SCN11A: variants seen among roughly 807,000 people sequenced by gnomAD.
The protein encoded by SCN11A is sodium channel protein type 11 subunit alpha.
A neutral mutation model predicts 162.2 loss-of-function variants in SCN11A; 122 were observed. The ratio of observed to expected loss-of-function variants is 0.75; its 90% confidence interval spans 0.65 to 0.87. The LOEUF is 0.87. Among genes scored for constraint, SCN11A ranks in the 40% least tolerant of loss-of-function variants. The pLI is 0.00. For synonymous variants in SCN11A, 758 were observed against 751.5 expected, an observed-to-expected ratio of 1.01 and a Z score of -0.14; for missense variants, 2,015 against 2,181.6, an observed-to-expected ratio of 0.92 and a Z score of 1.52.
At position 38,885,269 on chromosome 3, in the gene SCN11A, C is replaced by T; in HGVS notation, c.3064+19G>A. ...ATCCAAAGATTCTGTGAACTGGATGCAGAAATACTGCCACTTACCTTTGGG... is the reference window on the plus strand; with the variant it reads ...ATCCAAAGATTCTGTGAACTGGATGTAGAAATACTGCCACTTACCTTTGGG... On this transcript the variant is annotated intron_variant, in intron 21 of 29. Coordinates refer to ENST00000302328, the MANE Select transcript of SCN11A (RefSeq NM_001349253.2). 7.3e-7 allele frequency: 1 copy of T among 1,377,658 alleles called. No homozygotes were observed. Among genetic ancestry groups the T allele is most frequent in the Non-Finnish European group, 1.0e-6 (1 of 964,456 alleles). 85.3% of individuals were successfully genotyped at this position (1,377,658 alleles called of 1,614,324 possible).
rs80237055 is a variant in SCN11A at position 38,868,999 on chromosome 3, G to T, written c.3814-1541C>A. ...ATGGGGAGGATATGGCAGAGTACCA[G>T]TATTTAAGGCCAGGAGGAGATGACG... is the stretch of plus-strand genomic sequence containing the variant. On this transcript the variant is annotated intron_variant, in intron 26 of 29. Transcript: ENST00000302328. Among the ~76,000 whole-genome samples, 722 of 152,302 alleles carry T rather than the reference G, an allele frequency of 4.7e-3. 2 individuals are homozygous for T. The highest frequency in any genetic ancestry group is 6.8e-3 in the Middle Eastern group (2 of 294).
intron 2 of SCN11A, among the ~76,000 whole-genome samples, chr3:38,990,125 C>T (rs942206153): frequency 1.3e-5 from 2 of 152,188 alleles, no homozygotes; most frequent in Non-Finnish European, 2.9e-5. Context: ...GCCCTTAGGG[C>T]CCTGGTGCTG....
At chr3:39,033,157 A>AAAC (rs1553651782) in intron 1 of SCN11A, among the ~76,000 whole-genome samples, 1 of 149,574 alleles carries the variant, frequency 6.7e-6, no homozygotes, top group Non-Finnish European at 1.5e-5. Context: ...CATCTTGAAA[A>AAAC]AAAAAAAAAG....
In SCN11A at chr3:38,847,214, C is replaced by T; in HGVS notation, c.4856G>A (p.Gly1619Asp). Reference protein sequence around the residue: ...TATEESEDPLGEDDFDIFYEV... With the variant: ...TATEESEDPLDEDDFDIFYEV... ...ATAAAATATGTCAAAGTCATCTTCA[C>T]CCAAAGGGTCCTCACTTTCTTCAGT... Residue 1619 changes from glycine (G) to aspartate (D), a missense_variant, in exon 30 of 30, where the codon GGT becomes GAT. Coordinates refer to ENST00000302328, the MANE Select transcript of SCN11A (RefSeq NM_001349253.2). 6.2e-7 allele frequency: 1 copy of T among 1,614,042 alleles called. No homozygotes were observed. The highest frequency in any genetic ancestry group is 1.1e-5 in the South Asian group (1 of 91,056).
chr3:38,954,631 AAAACAAAC>A (rs534405343), intron 3 of SCN11A, among the ~76,000 whole-genome samples: 4 of 151,962 alleles, frequency 2.6e-5, no homozygotes, highest in Non-Finnish European at 5.9e-5. Flanking sequence ...AGATGATAAA[AAAACAAAC>A]AAACAAACAA....
chr3:38,968,201 TC>T (rs2066794712), intron 2 of SCN11A, among the ~76,000 whole-genome samples: 1 of 152,230 alleles, frequency 6.6e-6, no homozygotes, highest in African/African-American at 2.4e-5. Flanking sequence ...ACTGGTTTTC[TC>T]TGATCCTAGT....
intron 12 of SCN11A, among the ~76,000 whole-genome samples, chr3:38,909,486 G>A (rs1227341302): frequency 6.6e-6 from 1 of 152,144 alleles, no homozygotes; most frequent in East Asian, 1.9e-4. Flanking sequence ...GAGAGATAGG[G>A]CAGTAGGGAA....
intron 2 of SCN11A, among the ~76,000 whole-genome samples, chr3:39,001,852 G>C (rs2030823733): frequency 6.6e-6 from 1 of 152,200 alleles, no homozygotes; most frequent in Non-Finnish European, 1.5e-5. Context: ...GGCTAACACG[G>C]TGAAACCCCG....
intron 2 of SCN11A, among the ~76,000 whole-genome samples, chr3:38,997,328 C>T (rs1339416799): frequency 6.6e-6 from 1 of 152,212 alleles, no homozygotes; most frequent in Non-Finnish European, 1.5e-5. Flanking sequence ...AGGGTTCTGG[C>T]CCTGGCCATC....
intron 2 of SCN11A, among the ~76,000 whole-genome samples, chr3:39,010,062 G>C (rs2031082829): frequency 6.6e-6 from 1 of 151,940 alleles, no homozygotes; most frequent in Non-Finnish European, 1.5e-5. Context: ...TAGATAGTAG[G>C]GGCAAGTCTA....
rs1028257201 is a variant in SCN11A, at chr3:38,871,495, T to C, written c.3709A>G (p.Lys1237Glu). Residue 1237 changes from lysine to glutamate, a missense_variant, in exon 25 of 30, where the codon AAA becomes GAA. Transcript: ENST00000302328. Reference protein sequence around the residue: ...ESGNFSWINQKVNFDNVGNAY... With the variant: ...ESGNFSWINQEVNFDNVGNAY... ...TTTCCCACATTGTCAAAGTTGACTT[T>C]CTGGTTGATCCAAGAGAAATTGCCA... 4 of 1,613,090 alleles carry C rather than the reference T, an allele frequency of 2.5e-6. No individual in the cohort carries two copies. Among genetic ancestry groups the C allele is most frequent in the Admixed American group, 3.3e-5 (2 of 59,856 alleles).
At chr3:38,960,925 C>T (rs2066735016) in intron 2 of SCN11A, among the ~76,000 whole-genome samples, 2 of 152,198 alleles carry the variant, frequency 1.3e-5, no homozygotes, top group African/African-American at 4.8e-5. Flanking sequence ...ATCCAGACAA[C>T]TCTGCAGCAG....
intron 2 of SCN11A, among the ~76,000 whole-genome samples, chr3:38,969,083 G>A (rs2066801411): frequency 1.3e-5 from 2 of 152,298 alleles, no homozygotes; most frequent in South Asian, 4.1e-4. Flanking sequence ...ATTTGTGCAG[G>A]AGGGTGCAGG....
At chr3:39,044,784 G>A (rs745315552) in intron 1 of SCN11A, among the ~76,000 whole-genome samples, 17 of 151,726 alleles carry the variant, frequency 1.1e-4, no homozygotes, top group African/African-American at 2.4e-5. Flanking sequence ...AAGAACCAAC[G>A]AAACTCAAAA....
In SCN11A at chr3:38,847,104, G is replaced by C. The variant is rs757777457; in HGVS notation, c.4966C>G (p.Pro1656Ala). ...LSDFADALPE[P>A]LRVAKPNKYQ... ...TTATTTGGCTTTGCGACACGCAAAG[G>C]CTCAGGCAAGGCATCAGCAAAGTCA... Residue 1656 changes from proline to alanine, a missense_variant, in exon 30 of 30, where the codon CCT becomes GCT. Pro to Ala is a conservative substitution (Grantham distance 27). Coordinates refer to ENST00000302328, the MANE Select transcript of SCN11A (RefSeq NM_001349253.2). 2.6e-5 allele frequency: 42 copies of C among 1,614,004 alleles called. No individual in the cohort carries two copies. The highest frequency in any genetic ancestry group is 2.7e-5 in the African/African-American group (2 of 74,916).
rs774022892 is a variant in SCN11A, at chr3:38,926,931, C to A, written c.489G>T (p.Glu163Asp). The A allele has an allele frequency of 2.5e-6, 4 of 1,610,466 alleles. 1 individual carries two copies. The highest frequency in any genetic ancestry group is 2.5e-6 in the Non-Finnish European group (3 of 1,178,218). Residue 163 changes from glutamate to aspartate, a missense_variant and splice_region_variant, in exon 8 of 30, where the codon GAG (glutamate) becomes GAT (aspartate). Physicochemically the swap from Glu to Asp is conservative, Grantham distance 45 (BLOSUM62 2). Transcript: ENST00000302328. ...AAATATAAATCCCAGTGAAGACACA[C>A]CTAAAAAGCAAATCATTTACAACAG... ...NSNSNNTDIA[E>D]CVFTGIYIFE...
chr3:38,938,565 T>A (rs1174896157), intron 7 of SCN11A, among the ~76,000 whole-genome samples: 2 of 74,114 alleles, frequency 2.7e-5, no homozygotes, highest in African/African-American at 1.3e-4. Flanking sequence ...TTTTTTTTTT[T>A]TTTTTTTTTT....
rs1349659051 is a variant in SCN11A at position 38,857,563 on chromosome 3, T to C, written c.4056+5632A>G. ...TCCTGATGAAGAAATCTAAAGTTCA[T>C]AAAACTTATCTGAAGAAATAATTGA... On this transcript the variant is annotated intron_variant, in intron 28 of 29. Coordinates refer to ENST00000302328, the MANE Select transcript of SCN11A (RefSeq NM_001349253.2). 2.0e-5 allele frequency among the ~76,000 whole-genome samples: 3 copies of C among 152,040 alleles called. No homozygotes were observed. The East Asian group carries it at 5.8e-4, about 29-fold the overall frequency.
At chr3:38,894,470 A>T in intron 19 of SCN11A, 63 bp downstream of exon 19, 2 of 1,343,330 alleles carry the variant, frequency 1.5e-6, no homozygotes, top group Non-Finnish European at 2.1e-6. Context: ...AGGGCAGGCT[A>T]CCAGTGCCCT....
Sources: gnomAD v4.1 joint callset for allele counts (sites outside exome capture counted in the v4.1 genomes callset) on GRCh38, gnomAD v4.1.1 for gene constraint, MANE v1.5 for transcripts, NCBI Gene and HGNC (gene_info 2026-07-23, HGNC 2026-07-21) for gene names.